Variants in ZFHX3 observed in about 807,000 individuals in gnomAD.
ZFHX3 encodes the protein zinc finger homeobox 3, also known as zinc finger homeobox protein 3.
Under a neutral mutation model 279.1 loss-of-function variants are expected in ZFHX3, and 42 were observed. The ratio of observed to expected loss-of-function variants is 0.15; its 90% CI spans 0.12 to 0.19. The LOEUF (loss-of-function observed/expected upper bound fraction) is 0.19, where lower values mean the gene tolerates loss of function less well. Ranked by LOEUF, ZFHX3 falls within the 10% of genes least tolerant of loss-of-function variation. ZFHX3 has a pLI of 1.00. For synonymous variants in ZFHX3, 2,293 were observed against 1,957.8 expected (o/e 1.17, Z -4.52); for missense variants, 4,981 against 4,754.0 (o/e 1.05, Z -1.40).
intron 3 of ZFHX3, among the ~76,000 whole-genome samples, chr16:73,440,052 T>C (rs2018063097): frequency 6.6e-6 from 1 of 151,274 alleles, no homozygotes; most frequent in Admixed American, 6.6e-5. Context: ...TCACAGTACA[T>C]GGGAACTAAG....
chr16:73,427,585 C>T (rs996219), intron 3 of ZFHX3, among the ~76,000 whole-genome samples: 138,892 of 151,902 alleles, frequency 0.91, 63,537 homozygotes, highest in East Asian at 0.95. Flanking sequence ...GTGCCCTGCA[C>T]GTTGGTGGTA....
intron 1 of ZFHX3, among the ~76,000 whole-genome samples, chr16:73,688,623 T>C: frequency 6.6e-6 from 1 of 152,092 alleles, no homozygotes. Context: ...ACCCTAAAAC[T>C]GTAAGCAACA....
intron 1 of ZFHX3, among the ~76,000 whole-genome samples, chr16:73,735,258 AC>A (rs1332726958): frequency 6.6e-6 from 1 of 152,074 alleles, no homozygotes; most frequent in Non-Finnish European, 1.5e-5. Flanking sequence ...TGAGTCAGAG[AC>A]CTGAGTCATA....
intron 1 of ZFHX3, among the ~76,000 whole-genome samples, chr16:73,854,709 C>A: frequency 1.1e-5 from 1 of 93,146 alleles, no homozygotes; most frequent in East Asian, 3.2e-4. Context: ...GATAAAGAAA[C>A]TTATCTCCCA....
rs372947665 is a variant in ZFHX3 at position 73,282,762 on chromosome 16, T to C, written c.-1193-25626A>G. Among the ~76,000 whole-genome samples, 108 of 152,352 alleles carry C rather than the reference T, an allele frequency of 7.1e-4. 1 individual carries two copies. The highest frequency in any genetic ancestry group is 6.8e-3 in the South Asian group (33 of 4,828). ...CTTCTTGTTTCATTGTTTCATAATG[T>C]TTGATTTCCTTTAAAATATGTATGT... On this transcript the variant is annotated intron_variant, in intron 4 of 17. Coordinates refer to the ZFHX3 transcript ENST00000641206.
intron 1 of ZFHX3, among the ~76,000 whole-genome samples, chr16:73,719,719 C>T (rs1317668138): frequency 2.0e-5 from 3 of 151,106 alleles, no homozygotes; most frequent in East Asian, 1.9e-4. Flanking sequence ...CTGCAACCTC[C>T]GCCTCCGGGG....
In ZFHX3 at chr16:72,842,269, G is replaced by C. The variant is rs551511082; in HGVS notation, c.3449-12410C>G. Among the ~76,000 whole-genome samples, 3 of 151,648 alleles carry C rather than the reference G, an allele frequency of 2.0e-5. No individual in the cohort carries two copies. The East Asian group carries it at 5.8e-4, about 30-fold the overall frequency. ...GTCTTGCCCTGTTGCCCAGGCTGGA[G>C]TGCAGTGGCACCATCTCAGCTCACT... is the stretch of plus-strand genomic sequence containing the variant. On this transcript the variant is annotated intron_variant, in intron 4 of 9. Transcript: ENST00000268489.
At chr16:73,325,902 A>ACAC (rs2015671701) in intron 3 of ZFHX3, among the ~76,000 whole-genome samples, 4 of 91,224 alleles carry the variant, frequency 4.4e-5, no homozygotes, top group Non-Finnish European at 1.1e-4. Context: ...CACACACACA[A>ACAC]ACACACACAC....
chr16:73,288,942 A>C (rs1398110222), intron 4 of ZFHX3, among the ~76,000 whole-genome samples: 3 of 148,568 alleles, frequency 2.0e-5, no homozygotes, highest in Non-Finnish European at 4.5e-5. Flanking sequence ...GGGAAAAAAA[A>C]CCCTCTTTGT....
chr16:73,246,991 A>G (rs2013300366), intron 5 of ZFHX3, among the ~76,000 whole-genome samples: 1 of 152,172 alleles, frequency 6.6e-6, no homozygotes, highest in East Asian at 1.9e-4. Flanking sequence ...ATATATGTGT[A>G]TGTGACACGT....
intron 4 of ZFHX3, among the ~76,000 whole-genome samples, chr16:73,313,280 CT>C (rs1386755927): frequency 1.3e-5 from 2 of 152,132 alleles, no homozygotes; most frequent in East Asian, 1.9e-4. Flanking sequence ...TCAATTAAAC[CT>C]TTTTTTCCTT....
At chr16:73,444,455 T>G (rs2018147265) in intron 3 of ZFHX3, among the ~76,000 whole-genome samples, 1 of 152,228 alleles carries the variant, frequency 6.6e-6, no homozygotes, top group Non-Finnish European at 1.5e-5. Context: ...TTCCCTTAGA[T>G]TTAATGTAAT....
At chr16:73,296,717 C>T (rs987334456) in intron 4 of ZFHX3, among the ~76,000 whole-genome samples, 9 of 152,034 alleles carry the variant, frequency 5.9e-5, no homozygotes, top group Non-Finnish European at 7.4e-5. Flanking sequence ...TCTTTGCATT[C>T]ATTTGTCTAA....
chr16:73,149,856 C>G (rs1966898132), intron 5 of ZFHX3, among the ~76,000 whole-genome samples: 1 of 152,124 alleles, frequency 6.6e-6, no homozygotes, highest in African/African-American at 2.4e-5. Context: ...TTGAAGATGA[C>G]AGCAGAGTGC....
At chr16:73,096,184 C>T (rs765702438) in intron 7 of ZFHX3, among the ~76,000 whole-genome samples, 18 of 151,866 alleles carry the variant, frequency 1.2e-4, no homozygotes, top group Admixed American at 3.9e-4. Flanking sequence ...CTGCCTGCTC[C>T]GGCTGCCTGC....
intron 2 of ZFHX3, among the ~76,000 whole-genome samples, chr16:72,952,525 C>T (rs1253377914): frequency 3.3e-5 from 5 of 152,212 alleles, no homozygotes; most frequent in Non-Finnish European, 2.9e-5. Flanking sequence ...GTCTTATCCT[C>T]GCTGGCCCTC....
chr16:73,080,363 T>C (rs1339935385), intron 8 of ZFHX3, among the ~76,000 whole-genome samples: 1 of 152,194 alleles, frequency 6.6e-6, no homozygotes, highest in Non-Finnish European at 1.5e-5. Flanking sequence ...TGGAACTGAA[T>C]GTGTAGGTAT....
chr16:73,350,629 C>T (rs748746675), intron 3 of ZFHX3, among the ~76,000 whole-genome samples: 2 of 152,184 alleles, frequency 1.3e-5, no homozygotes, highest in African/African-American at 2.4e-5. Context: ...TGGGATTTCT[C>T]GGGCTTCTCA....
chr16:73,734,604 T>A lies in ZFHX3; in HGVS notation c.-1607-54364A>T, dbSNP rs114160852. Among the ~76,000 whole-genome samples the A allele has an allele frequency of 4.0e-3, 606 of 152,326 alleles. 3 individuals are homozygous for A. Among genetic ancestry groups the A allele is most frequent in the African/African-American group, 0.013 (560 of 41,582 alleles). On this transcript the variant is annotated intron_variant, in intron 1 of 17. Transcript: ENST00000641206. ...GAATTATCTCTGAGTTTACTTGATATGCTAGAATTTGTAGAGAAAATAATT... is the reference window on the plus strand; with the variant it reads ...GAATTATCTCTGAGTTTACTTGATAAGCTAGAATTTGTAGAGAAAATAATT...
Sources: allele counts gnomAD v4.1 joint callset (sites outside exome capture counted in the v4.1 genomes callset), GRCh38; gene constraint gnomAD v4.1.1; transcripts MANE v1.5; gene names NCBI Gene and HGNC (gene_info 2026-07-23, HGNC 2026-07-21).